Variants in COLEC12 observed in about 807,000 individuals in gnomAD.
COLEC12 encodes the protein collectin subfamily member 12.
Under a neutral mutation model 71.1 loss-of-function variants are expected in COLEC12, and 33 were observed. The ratio of observed to expected loss-of-function variants is 0.46; its 90% CI spans 0.35 to 0.62. The LOEUF (loss-of-function observed/expected upper bound fraction) is 0.62, where lower values mean the gene tolerates loss of function less well. Ranked by LOEUF, COLEC12 falls within the 20% of genes least tolerant of loss-of-function variation. The pLI, the probability that COLEC12 is intolerant of heterozygous loss-of-function variation, is 0.00. For missense variants in COLEC12, 765 were observed against 916.1 expected (o/e 0.84, Z 2.13); for synonymous variants, 350 against 353.0 (o/e 0.99, Z 0.10).
At chr18:344,952 A>T (rs753791619) in intron 5 of COLEC12, among the ~76,000 whole-genome samples, 2 of 152,238 alleles carry the variant, frequency 1.3e-5, no homozygotes, top group Non-Finnish European at 2.9e-5. Context: ...GAGTCCTGCC[A>T]TCTGCTATCC....
chr18:396,611 T>G (rs1029070432), intron 2 of COLEC12, among the ~76,000 whole-genome samples: 1 of 152,220 alleles, frequency 6.6e-6, no homozygotes. Flanking sequence ...CACAAGGCCC[T>G]GGCCAAGGCC....
intron 2 of COLEC12, among the ~76,000 whole-genome samples, chr18:476,262 T>C (rs1196160935): frequency 1.3e-5 from 2 of 152,262 alleles, no homozygotes; most frequent in Non-Finnish European, 2.9e-5. Flanking sequence ...TGCTTCCTTT[T>C]ACTTTCTTGT....
rs1407372517 is a variant in COLEC12, at chr18:320,122, C to G, written c.2210-58G>C. 13 of 986,446 alleles carry G rather than the reference C, an allele frequency of 1.3e-5. No individual in the cohort carries two copies. The Middle Eastern group carries it at 6.7e-4, about 51-fold the overall frequency. 61.1% of individuals were successfully genotyped at this position (986,446 alleles called of 1,614,324 possible). Reference sequence around the variant, plus strand: ...TTTCTTAAATAATAAAGTTAATGTGCAATTCAAAAAAAGGGAACGTGTATT... The same window carrying G: ...TTTCTTAAATAATAAAGTTAATGTGGAATTCAAAAAAAGGGAACGTGTATT... On this transcript the variant is annotated intron_variant, in intron 9 of 9. Coordinates refer to ENST00000400256, the MANE Select transcript of COLEC12 (RefSeq NM_130386.3).
At chr18:429,095 C>T (rs773030889) in intron 2 of COLEC12, among the ~76,000 whole-genome samples, 2 of 152,100 alleles carry the variant, frequency 1.3e-5, no homozygotes, top group Admixed American at 6.5e-5. Flanking sequence ...TTTTCCTAAA[C>T]ATTAAGAAGG....
At chr18:370,847 G>A (rs1174794810) in intron 2 of COLEC12, among the ~76,000 whole-genome samples, 1 of 152,226 alleles carries the variant, frequency 6.6e-6, no homozygotes, top group Non-Finnish European at 1.5e-5. Flanking sequence ...CTCAGGTCCT[G>A]CTGATGATGG....
At chr18:336,262 G>C (rs958557991) in intron 5 of COLEC12, among the ~76,000 whole-genome samples, 1 of 152,108 alleles carries the variant, frequency 6.6e-6, no homozygotes, top group African/African-American at 2.4e-5. Flanking sequence ...TCAGAGGGAC[G>C]GGAGGTCTCT....
chr18:483,414 A>AT (rs1917462671), intron 1 of COLEC12, among the ~76,000 whole-genome samples: 1 of 152,070 alleles, frequency 6.6e-6, no homozygotes, highest in Non-Finnish European at 1.5e-5. Flanking sequence ...AAAAAAAAAA[A>AT]AAATCACATG....
At chr18:369,820 G>A (rs534799737) in intron 2 of COLEC12, among the ~76,000 whole-genome samples, 26 of 152,240 alleles carry the variant, frequency 1.7e-4, no homozygotes, top group African/African-American at 3.9e-4. Context: ...TCCTTCTCAC[G>A]TGGAAATGAG....
At chr18:412,330 G>GA (rs1464277531) in intron 2 of COLEC12, among the ~76,000 whole-genome samples, 1 of 151,928 alleles carries the variant, frequency 6.6e-6, no homozygotes, top group Non-Finnish European at 1.5e-5. Flanking sequence ...AGTGCTGAAA[G>GA]AAAAAAACTG....
intron 2 of COLEC12, among the ~76,000 whole-genome samples, chr18:438,769 T>A (rs1195430190): frequency 6.6e-6 from 1 of 150,672 alleles, no homozygotes; most frequent in Non-Finnish European, 1.5e-5. Flanking sequence ...CACCACTGCA[T>A]TGCAGCCTGG....
At chr18:491,676 G>C (rs1015517520) in intron 1 of COLEC12, among the ~76,000 whole-genome samples, 1 of 152,178 alleles carries the variant, frequency 6.6e-6, no homozygotes, top group Non-Finnish European at 1.5e-5. Flanking sequence ...TTTGGGGGAA[G>C]GACCAACAGG....
chr18:383,582 A>C (rs1489603082), intron 2 of COLEC12, among the ~76,000 whole-genome samples: 6 of 152,250 alleles, frequency 3.9e-5, no homozygotes, highest in Non-Finnish European at 8.8e-5. Flanking sequence ...CTAAAAACCA[A>C]GAAACAACCA....
At chr18:385,592 G>T (rs1478563606) in intron 2 of COLEC12, among the ~76,000 whole-genome samples, 1 of 151,960 alleles carries the variant, frequency 6.6e-6, no homozygotes, top group African/African-American at 2.4e-5. Context: ...CAAAGTGCTG[G>T]GATTACAGGC....
At chr18:413,318 G>A (rs921490028) in intron 2 of COLEC12, among the ~76,000 whole-genome samples, 8 of 152,206 alleles carry the variant, frequency 5.3e-5, no homozygotes, top group Non-Finnish European at 2.9e-5. Flanking sequence ...ACATCTATCA[G>A]AATGGCTGAC....
At position 362,905 on chromosome 18, in the gene COLEC12, G is replaced by A. The variant is rs758235925; in HGVS notation, c.59-5383C>T. 2.0e-5 allele frequency among the ~76,000 whole-genome samples: 3 copies of A among 152,248 alleles called. No individual in the cohort carries two copies. Among genetic ancestry groups the A allele is most frequent in the South Asian group, 4.2e-4 (2 of 4,818 alleles). Reference sequence around the variant, plus strand: ...GTGGGGGCCCAGTGAAGCCAAAATCGCTCTGGTTAACTCCTTGAGTATTCC... The same window carrying A: ...GTGGGGGCCCAGTGAAGCCAAAATCACTCTGGTTAACTCCTTGAGTATTCC... On this transcript the variant is annotated intron_variant, in intron 2 of 9. Transcript: ENST00000400256. The surrounding 1 kb of genome is among the most constrained non-coding windows in gnomAD (Gnocchi z 4.6).
chr18:445,484 T>C (rs920044794), intron 2 of COLEC12, among the ~76,000 whole-genome samples: 1 of 152,172 alleles, frequency 6.6e-6, no homozygotes, highest in Non-Finnish European at 1.5e-5. Context: ...CCGTACAATA[T>C]GCCCATTTAA....
chr18:412,350 A>C (rs936877481), intron 2 of COLEC12, among the ~76,000 whole-genome samples: 18 of 152,152 alleles, frequency 1.2e-4, no homozygotes, highest in Non-Finnish European at 2.6e-4. Context: ...GATAACCCAG[A>C]GTCCTATATC....
At position 480,745 on chromosome 18, in the gene COLEC12, T is replaced by G; in HGVS notation, c.20A>C (p.Glu7Ala). 6.2e-7 allele frequency: 1 copy of G among 1,614,032 alleles called. No homozygotes were observed. Among genetic ancestry groups the G allele is most frequent in the Non-Finnish European group, 8.5e-7 (1 of 1,179,942 alleles). The change falls in exon 2 of 10, where the codon GAG becomes GCG. Residue 7 changes from glutamate (E) to alanine (A), a missense_variant. Glu to Ala is a moderately radical substitution (Grantham distance 107, BLOSUM62 -1). Coordinates refer to ENST00000400256, the MANE Select transcript of COLEC12 (RefSeq NM_130386.3). The surrounding 1 kb of genome is among the most constrained non-coding windows in gnomAD (Gnocchi z 4.1). MKDDFA[E>A]EEEVQSFGYK... The stretch of plus-strand genomic sequence containing the variant: ...ACCGAAGGATTGCACCTCCTCCTCC[T>G]CTGCGAAGTCGTCTGTGAGAGAAGA...
chr18:345,729 C>G (rs930797399), intron 5 of COLEC12, among the ~76,000 whole-genome samples: 10 of 152,218 alleles, frequency 6.6e-5, no homozygotes, highest in African/African-American at 2.2e-4. Flanking sequence ...AATTAACCAA[C>G]CTTTCACTCA....
Sources: allele counts gnomAD v4.1 joint callset (sites outside exome capture counted in the v4.1 genomes callset), GRCh38; gene constraint gnomAD v4.1.1; non-coding constraint Gnocchi (gnomAD v3.1); transcripts MANE v1.5; gene names NCBI Gene and HGNC (gene_info 2026-07-23, HGNC 2026-07-21).